PPP1R16B: variants seen among roughly 807,000 people sequenced by gnomAD.
PPP1R16B encodes the protein protein phosphatase 1 regulatory inhibitor subunit 16B.
Under a neutral mutation model 61.7 loss-of-function variants are expected in PPP1R16B, and 14 were observed. The observed-to-expected ratio is 0.23, with a 90% confidence interval of 0.15 to 0.35. The LOEUF (loss-of-function observed/expected upper bound fraction) is 0.35. PPP1R16B is among the 10% of genes least tolerant of loss of function. The pLI, the probability that PPP1R16B is intolerant of heterozygous loss-of-function variation, is 1.00. For missense variants in PPP1R16B, 547 were observed against 752.5 expected, an observed-to-expected ratio of 0.73 and a Z score of 3.19; for synonymous variants, 266 against 305.3, an observed-to-expected ratio of 0.87 and a Z score of 1.34.
At chr20:38,847,148 G>C (rs1008705530) in intron 2 of PPP1R16B, among the ~76,000 whole-genome samples, 26 of 152,204 alleles carry the variant, frequency 1.7e-4, no homozygotes, top group African/African-American at 6.3e-4. Flanking sequence ...TCAGCTGTGT[G>C]TATCCATCCC....
intron 2 of PPP1R16B, among the ~76,000 whole-genome samples, chr20:38,843,900 T>C (rs1438093673): frequency 1.3e-5 from 2 of 152,230 alleles, no homozygotes; most frequent in Non-Finnish European, 2.9e-5. Flanking sequence ...GTTATTTTGG[T>C]TGAAGTAAAT....
rs2084663382 is a variant in PPP1R16B, at chr20:38,806,614, A to G, written c.-102+822A>G. Among the ~76,000 whole-genome samples, 1 of 152,104 alleles carries G rather than the reference A, an allele frequency of 6.6e-6. No homozygotes were observed. The highest frequency in any genetic ancestry group is 2.1e-4 in the South Asian group (1 of 4,830). On this transcript the variant is annotated intron_variant, in intron 1 of 10. Transcript: ENST00000299824. The surrounding 1 kb of genome is among the most constrained non-coding windows in gnomAD (Gnocchi z 4.5). ...GAGGGGTCTCCCCAAGGTCACCCGG[A>G]GTGCCCAGGCTGAGCTGCCCAGACC...
chr20:38,880,195 T>C (rs2085195002), intron 2 of PPP1R16B, among the ~76,000 whole-genome samples: 1 of 151,870 alleles, frequency 6.6e-6, no homozygotes, highest in African/African-American at 2.4e-5. Context: ...CACAGACAAA[T>C]CCATACATAA....
chr20:38,817,627 GA>G (rs1318840544), intron 1 of PPP1R16B, among the ~76,000 whole-genome samples: 1 of 151,266 alleles, frequency 6.6e-6, no homozygotes, highest in Non-Finnish European at 1.5e-5. Context: ...GGCAAGTGCT[GA>G]GCACGGTGCC....
intron 2 of PPP1R16B, among the ~76,000 whole-genome samples, chr20:38,847,816 T>C (rs1194903090): frequency 6.6e-6 from 1 of 152,246 alleles, no homozygotes; most frequent in East Asian, 1.9e-4. Context: ...ATGGTTCATA[T>C]ATTTTCTGCA....
intron 10 of PPP1R16B, among the ~76,000 whole-genome samples, chr20:38,914,310 C>T (rs778666122): frequency 2.6e-5 from 4 of 152,078 alleles, no homozygotes; most frequent in Admixed American, 6.5e-5. Context: ...AAGGAGGGGT[C>T]GTCTGAGCGT....
At chr20:38,915,462 T>C (rs753037940) in intron 10 of PPP1R16B, among the ~76,000 whole-genome samples, 1 of 152,178 alleles carries the variant, frequency 6.6e-6, no homozygotes, top group Non-Finnish European at 1.5e-5. Context: ...AATTATATAA[T>C]ATGTGATGCT....
At chr20:38,886,584 C>T (rs1387419878) in intron 2 of PPP1R16B, among the ~76,000 whole-genome samples, 1 of 152,356 alleles carries the variant, frequency 6.6e-6, no homozygotes, top group East Asian at 1.9e-4. Flanking sequence ...CCCACTCACC[C>T]GTGGGCAGGT....
intron 2 of PPP1R16B, among the ~76,000 whole-genome samples, chr20:38,837,670 C>T (rs181841712): frequency 5.2e-4 from 79 of 151,934 alleles, no homozygotes; most frequent in Non-Finnish European, 1.0e-3. Context: ...CTTAGCCTCC[C>T]GAGTAGCTGG....
chr20:38,849,680 AACAAC>A (rs1485831672), intron 2 of PPP1R16B, among the ~76,000 whole-genome samples: 7 of 23,410 alleles, frequency 3.0e-4, no homozygotes, highest in African/African-American at 5.3e-4. Flanking sequence ...CAACAACAAC[AACAAC>A]AAAAAAAAAA....
chr20:38,912,193 G>A (rs1050830303), intron 10 of PPP1R16B, among the ~76,000 whole-genome samples: 6 of 149,444 alleles, frequency 4.0e-5, no homozygotes, highest in Non-Finnish European at 7.4e-5. Flanking sequence ...TCCGCCTCCC[G>A]GGTTCAAGTG....
At chr20:38,917,420 T>C (rs1194045620) in intron 10 of PPP1R16B, among the ~76,000 whole-genome samples, 1 of 152,246 alleles carries the variant, frequency 6.6e-6, no homozygotes, top group African/African-American at 2.4e-5. Context: ...TGTTCCCTGT[T>C]CATGGTGATT....
chr20:38,838,237 C>T (rs757989267), intron 2 of PPP1R16B: 4 of 152,470 alleles, frequency 2.6e-5, no homozygotes, highest in Non-Finnish European at 4.4e-5. Flanking sequence ...GCCCATGGCC[C>T]ATCCCTGTAT....
chr20:38,859,390 C>G (rs762820545), intron 2 of PPP1R16B, among the ~76,000 whole-genome samples: 9 of 152,036 alleles, frequency 5.9e-5, no homozygotes, highest in Non-Finnish European at 1.0e-4. Flanking sequence ...GAGGGCAGCT[C>G]TCTTCAACAC....
chr20:38,897,060 C>T (rs1482915782), intron 4 of PPP1R16B, among the ~76,000 whole-genome samples: 2 of 152,298 alleles, frequency 1.3e-5, no homozygotes, highest in Admixed American at 1.3e-4. Context: ...GCAGGAGAAT[C>T]GCTTGAACCC....
chr20:38,857,649 T>C (rs1410173853), intron 2 of PPP1R16B, among the ~76,000 whole-genome samples: 2 of 152,208 alleles, frequency 1.3e-5, no homozygotes, highest in Non-Finnish European at 2.9e-5. Flanking sequence ...GCTGAAAATA[T>C]ATATTTAAAG....
rs190958879 is a variant in PPP1R16B at position 38,874,424 on chromosome 20, T to C, written c.251-15171T>C. Among the ~76,000 whole-genome samples the C allele has an allele frequency of 4.3e-4, 66 of 152,194 alleles. 1 individual carries two copies. Among genetic ancestry groups the C allele is most frequent in the African/African-American group, 1.5e-3 (61 of 41,508 alleles). On this transcript the variant is annotated intron_variant, in intron 2 of 10. Coordinates refer to ENST00000299824, the MANE Select transcript of PPP1R16B (RefSeq NM_015568.4). Reference sequence around the variant, plus strand: ...CTCAGACAACCTTATGAGATTATAGTCCCCATTCTACAGATGGGGAAACTG... The same window carrying C: ...CTCAGACAACCTTATGAGATTATAGCCCCCATTCTACAGATGGGGAAACTG...
At chr20:38,821,927 A>G (rs978554634) in intron 1 of PPP1R16B, among the ~76,000 whole-genome samples, 3 of 150,440 alleles carry the variant, frequency 2.0e-5, no homozygotes, top group Admixed American at 6.6e-5. Flanking sequence ...ATTTTGGATT[A>G]CATCCTAAAT....
chr20:38,910,481 CT>C (rs1006721900), intron 10 of PPP1R16B, among the ~76,000 whole-genome samples: 2 of 151,206 alleles, frequency 1.3e-5, no homozygotes, highest in African/African-American at 4.9e-5. Flanking sequence ...TCGTGTCTGG[CT>C]TTTTTTACAT....
Sources: allele counts gnomAD v4.1 joint callset (sites outside exome capture counted in the v4.1 genomes callset), GRCh38; gene constraint gnomAD v4.1.1; non-coding constraint Gnocchi (gnomAD v3.1); transcripts MANE v1.5; gene names NCBI Gene and HGNC (gene_info 2026-07-23, HGNC 2026-07-21).